DACH2: variants seen among roughly 807,000 people sequenced by gnomAD.
DACH2 encodes the protein dachshund homolog 2.
Under a neutral mutation model 35.8 loss-of-function variants are expected in DACH2, and 17 were observed. The observed-to-expected ratio is 0.48, with a 90% CI of 0.33 to 0.71. The LOEUF (loss-of-function observed/expected upper bound fraction) is 0.71. Ranked by LOEUF, DACH2 falls within the 30% of genes least tolerant of loss-of-function variation. The pLI is 0.02. For missense variants in DACH2, 469 were observed against 472.7 expected (o/e 0.99, Z 0.07); for synonymous variants, 195 against 177.3 (o/e 1.10, Z -0.79).
intron 1 of DACH2, among the ~76,000 whole-genome samples, chrX:86,362,432 C>G (rs1426032164): frequency 9.0e-6 from 1 of 111,338 alleles, no homozygotes; most frequent in African/African-American, 3.3e-5. Flanking sequence ...AGGTGATTAG[C>G]TTTAGCCAAA....
At position 86,214,067 on chromosome X, in the gene DACH2, C is replaced by A. The variant is rs997752374; in HGVS notation, c.488+64959C>A. Among the ~76,000 whole-genome samples, 3 of 110,218 alleles carry A rather than the reference C, an allele frequency of 2.7e-5. No individual in the cohort carries two copies. The Admixed American group carries it at 2.9e-4, about 11-fold the overall frequency. On this transcript the variant is annotated intron_variant, in intron 1 of 11. Coordinates refer to ENST00000373125, the MANE Select transcript of DACH2 (RefSeq NM_053281.3). ...TTTCAACATTTTTTTCCGAATTTTC[C>A]TCTTTTTATTCCCCTTCCTTATTTT... is the stretch of plus-strand genomic sequence containing the variant.
intron 7 of DACH2, among the ~76,000 whole-genome samples, chrX:86,762,873 T>A (rs991286769): frequency 4.2e-4 from 47 of 111,899 alleles, no homozygotes; most frequent in African/African-American, 1.5e-3. Context: ...TTGACTATAG[T>A]CACCCTGTTG....
At chrX:86,237,684 G>T (rs2033084305) in intron 1 of DACH2, among the ~76,000 whole-genome samples, 1 of 111,925 alleles carries the variant, frequency 8.9e-6, no homozygotes, top group African/African-American at 3.2e-5. Flanking sequence ...GAGCGGCAAG[G>T]GGTGTGTGAG....
chrX:86,533,850 G>A (rs1198684222), intron 3 of DACH2, among the ~76,000 whole-genome samples: 1 of 110,667 alleles, frequency 9.0e-6, no homozygotes, highest in Non-Finnish European at 1.9e-5. Context: ...GGATCAAGGA[G>A]GCCAGATAAA....
At chrX:86,503,431 G>A (rs1056073787) in intron 2 of DACH2, among the ~76,000 whole-genome samples, 2 of 112,243 alleles carry the variant, frequency 1.8e-5, no homozygotes, top group African/African-American at 6.5e-5. Context: ...TTAACTAGTG[G>A]AATTTGATTT....
chrX:86,685,170 T>TA (rs2040927511), intron 4 of DACH2, among the ~76,000 whole-genome samples: 1 of 111,676 alleles, frequency 9.0e-6, no homozygotes, highest in Non-Finnish European at 1.9e-5. Flanking sequence ...TGTATTGTGT[T>TA]GTTCACTTTG....
In DACH2 at chrX:86,282,846, C is replaced by T. The variant is rs1478608196; in HGVS notation, c.489-93978C>T. Among the ~76,000 whole-genome samples, 5 of 30,105 alleles carry T rather than the reference C, an allele frequency of 1.7e-4. 2 individuals are homozygous for T. The highest frequency in any genetic ancestry group is 2.4e-4 in the Non-Finnish European group (5 of 21,035). 26.1% of individuals were successfully genotyped at this position (30,105 alleles called of 115,157 possible). A position where few individuals can be genotyped will look rare whatever the true frequency, so the allele number is the denominator to read the frequency against. ...AGGCTGGAGTGCAGTGGCGGGATCT[C>T]GGCTCACTGCAAGCTCCGCCTCCCG... On this transcript the variant is annotated intron_variant, in intron 1 of 11. Coordinates refer to ENST00000373125, the MANE Select transcript of DACH2 (RefSeq NM_053281.3).
intron 4 of DACH2, among the ~76,000 whole-genome samples, chrX:86,667,177 A>G (rs2040680950): frequency 9.8e-6 from 1 of 102,384 alleles, no homozygotes; most frequent in African/African-American, 3.6e-5. Flanking sequence ...AATCACTTGA[A>G]CCTGGGAGGC....
chrX:86,263,611 T>C (rs888969979), intron 1 of DACH2, among the ~76,000 whole-genome samples: 1 of 112,105 alleles, frequency 8.9e-6, no homozygotes, highest in Non-Finnish European at 1.9e-5. Flanking sequence ...GAAACCCTTT[T>C]TGTGACAGTT....
chrX:86,427,931 G>A (rs2036920782), intron 2 of DACH2, among the ~76,000 whole-genome samples: 1 of 111,932 alleles, frequency 8.9e-6, no homozygotes, highest in Non-Finnish European at 1.9e-5. Context: ...TTGAGGTAGT[G>A]TAAGTAGTTC....
At chrX:86,664,789 A>T (rs960272985) in intron 4 of DACH2, among the ~76,000 whole-genome samples, 3 of 112,297 alleles carry the variant, frequency 2.7e-5, no homozygotes, top group Non-Finnish European at 5.6e-5. Flanking sequence ...GCACAGATCC[A>T]TATTGTAACC....
At chrX:86,191,927 C>T (rs764404845) in intron 1 of DACH2, among the ~76,000 whole-genome samples, 1 of 111,372 alleles carries the variant, frequency 9.0e-6, no homozygotes, top group African/African-American at 3.3e-5. Context: ...GGTGACAGAG[C>T]GAGACTCCAT....
At chrX:86,411,561 G>T (rs1034707132) in intron 2 of DACH2, among the ~76,000 whole-genome samples, 1 of 110,852 alleles carries the variant, frequency 9.0e-6, no homozygotes, top group African/African-American at 3.3e-5. Flanking sequence ...AACTGAAAAC[G>T]CACTGGTCCC....
At chrX:86,650,156 T>A (rs939364573) in intron 3 of DACH2, among the ~76,000 whole-genome samples, 12 of 110,855 alleles carry the variant, frequency 1.1e-4, no homozygotes, top group Admixed American at 1.1e-3. Context: ...AACTTGCATA[T>A]TCACTTTTTA....
chrX:86,456,838 G>A (rs1303005663), intron 2 of DACH2, among the ~76,000 whole-genome samples: 1 of 110,434 alleles, frequency 9.1e-6, no homozygotes, highest in Non-Finnish European at 1.9e-5. Context: ...ACTTTTGAAG[G>A]AGAAATTGAT....
At chrX:86,171,608 G>A (rs755087642) in intron 1 of DACH2, among the ~76,000 whole-genome samples, 5 of 111,091 alleles carry the variant, frequency 4.5e-5, no homozygotes, top group Non-Finnish European at 9.4e-5. Context: ...GTTTGGTCTG[G>A]GATTTGTCTG....
At chrX:86,818,697 CA>C (rs1394783809) in intron 11 of DACH2, among the ~76,000 whole-genome samples, 2 of 110,209 alleles carry the variant, frequency 1.8e-5, no homozygotes, top group African/African-American at 6.6e-5. Context: ...AATGCAATAC[CA>C]TTTCCAAAAT....
intron 2 of DACH2, among the ~76,000 whole-genome samples, chrX:86,514,070 A>T (rs1301837236): frequency 1.8e-5 from 2 of 111,762 alleles, no homozygotes; most frequent in Admixed American, 9.5e-5. Flanking sequence ...TTGATCCCTT[A>T]TGGCGCTAAT....
At chrX:86,432,124 A>T (rs1353565349) in intron 2 of DACH2, among the ~76,000 whole-genome samples, 1 of 112,267 alleles carries the variant, frequency 8.9e-6, no homozygotes, top group Non-Finnish European at 1.9e-5. Context: ...GCTGGCTGCC[A>T]CTGAAACACG....
Sources: allele counts gnomAD v4.1 joint callset (sites outside exome capture counted in the v4.1 genomes callset), GRCh38; gene constraint gnomAD v4.1.1; transcripts MANE v1.5; gene names NCBI Gene and HGNC (gene_info 2026-07-23, HGNC 2026-07-21).